RAD23B: variants seen among roughly 807,000 people sequenced by gnomAD.
RAD23B encodes lysine-specific demethylase RAD23B.
A neutral mutation model predicts 49.1 loss-of-function variants in RAD23B; 5 were observed. The ratio of observed to expected loss-of-function variants is 0.10; its 90% CI spans 0.05 to 0.21. The LOEUF is 0.21. Ranked by LOEUF, RAD23B falls within the 10% of genes least tolerant of loss-of-function variation. The pLI, the probability that RAD23B is intolerant of heterozygous loss-of-function variation, is 1.00. For missense variants in RAD23B, 356 were observed against 486.7 expected, an observed-to-expected ratio of 0.73 and a Z score of 2.53; for synonymous variants, 184 against 165.4, an observed-to-expected ratio of 1.11 and a Z score of -0.86.
rs1402185215 is a variant in RAD23B, at chr9:107,330,856, A to G, written c.*1200A>G. ...GTACTTTGGAAAATATACAATCAAGATATCTCATGGCATATTAAAAGAAAA... is the reference window on the plus strand; with the variant it reads ...GTACTTTGGAAAATATACAATCAAGGTATCTCATGGCATATTAAAAGAAAA... On this transcript the variant is annotated 3_prime_UTR_variant, in exon 10 of 10. Coordinates refer to ENST00000358015, the MANE Select transcript of RAD23B (RefSeq NM_002874.5). This position sits in a 1 kb window ranked among gnomAD's most constrained non-coding sequence, Gnocchi z 4.4. 2 of 152,618 alleles carry G rather than the reference A, an allele frequency of 1.3e-5. No individual in the cohort carries two copies. The highest frequency in any genetic ancestry group is 6.5e-5 in the Admixed American group (1 of 15,286). 9.5% of individuals were successfully genotyped at this position (152,618 alleles called of 1,614,324 possible).
chr9:107,331,471 A>G lies in RAD23B; in HGVS notation c.*1815A>G, dbSNP rs1827305486. 1.9e-6 allele frequency: 1 copy of G among 524,240 alleles called. No individual in the cohort carries two copies. The highest frequency in any genetic ancestry group is 1.9e-5 in the African/African-American group (1 of 51,830). 32.5% of individuals were successfully genotyped at this position (524,240 alleles called of 1,614,324 possible). A position where few individuals can be genotyped will look rare whatever the true frequency, so the allele number is the denominator to read the frequency against. On this transcript the variant is annotated 3_prime_UTR_variant, in exon 10 of 10. Coordinates refer to ENST00000358015, the MANE Select transcript of RAD23B (RefSeq NM_002874.5). Reference sequence around the variant, plus strand: ...TGAGCTGAGATCACACCACTGCCATAAACATGACAGGCTTTTGGACTTTGT... The same window carrying G: ...TGAGCTGAGATCACACCACTGCCATGAACATGACAGGCTTTTGGACTTTGT...
chr9:107,308,116 C>CT lies in RAD23B; in HGVS notation c.497+1474dup, dbSNP rs563084673. Among the ~76,000 whole-genome samples, 745 of 149,038 alleles carry CT rather than the reference C, an allele frequency of 5.0e-3. 5 individuals carry two copies. The highest frequency in any genetic ancestry group is 0.011 in the Admixed American group (162 of 15,152). Reference sequence around the variant, plus strand: ...TTATTCTCTTAATTGCTTTAAGCTCCTTTTTAAAAAAAAAAAGCTTACAGT... The same window carrying CT: ...TTATTCTCTTAATTGCTTTAAGCTCCTTTTTTAAAAAAAAAAAGCTTACAGT... On this transcript the variant is annotated intron_variant, in intron 4 of 9. Coordinates refer to ENST00000358015, the MANE Select transcript of RAD23B (RefSeq NM_002874.5).
At position 107,323,864 on chromosome 9, in the gene RAD23B, TTTAG is replaced by T. The variant is rs376609363; in HGVS notation, c.818-25_818-22del. 17,395 of 1,582,230 alleles carry T rather than the reference TTTAG, an allele frequency of 0.011. 1,365 individuals are homozygous for T. The African/African-American group carries it at 0.19, about 17-fold the overall frequency. On this transcript the variant is annotated intron_variant, in intron 7 of 9. Coordinates refer to ENST00000358015, the MANE Select transcript of RAD23B (RefSeq NM_002874.5). ...TTTGTGTATGTATTTACTGCTTTTG[TTTAG>T]AAATGTTTATGTGTATTTTAGGACA...
chr9:107,321,531 A>G (rs920354936), intron 6 of RAD23B, among the ~76,000 whole-genome samples: 4 of 152,218 alleles, frequency 2.6e-5, no homozygotes, highest in Admixed American at 2.0e-4. Flanking sequence ...TTGCAAACTC[A>G]ATCCTTTTTA....
intron 9 of RAD23B, among the ~76,000 whole-genome samples, chr9:107,326,337 C>T (rs975385880): frequency 6.2e-5 from 9 of 145,634 alleles, no homozygotes; most frequent in African/African-American, 2.2e-4. Flanking sequence ...AAAAATTAGC[C>T]AGGCGTGATG....
At chr9:107,299,197 A>C (rs1225596476) in intron 1 of RAD23B, among the ~76,000 whole-genome samples, 1 of 152,224 alleles carries the variant, frequency 6.6e-6, no homozygotes, top group Non-Finnish European at 1.5e-5. Flanking sequence ...TTTTAATTGT[A>C]CAAAAGAAAC....
At chr9:107,299,734 ATTTAACC>A (rs1377406631) in intron 1 of RAD23B, among the ~76,000 whole-genome samples, 1 of 152,226 alleles carries the variant, frequency 6.6e-6, no homozygotes, top group Non-Finnish European at 1.5e-5. Flanking sequence ...AACATTCACA[ATTTAACC>A]TTTAACATTG....
intron 1 of RAD23B, among the ~76,000 whole-genome samples, chr9:107,296,575 TTTC>T (rs1228869799): frequency 9.7e-4 from 147 of 152,316 alleles, no homozygotes; most frequent in African/African-American, 3.4e-3. Flanking sequence ...TCTTTTTTTT[TTTC>T]TTTTTCTTGA....
intron 1 of RAD23B, among the ~76,000 whole-genome samples, chr9:107,292,490 C>G (rs927362987): frequency 1.3e-5 from 2 of 151,972 alleles, no homozygotes; most frequent in Non-Finnish European, 2.9e-5. Flanking sequence ...ACCCTCCTGG[C>G]CAATGTGATG....
chr9:107,289,967 T>TA (rs1196082330), intron 1 of RAD23B, among the ~76,000 whole-genome samples: 1 of 152,168 alleles, frequency 6.6e-6, no homozygotes, highest in Non-Finnish European at 1.5e-5. Context: ...TTAAGGAACT[T>TA]AAGTTCATGA....
chr9:107,317,602 A>G (rs975107800), intron 5 of RAD23B, among the ~76,000 whole-genome samples: 1 of 151,964 alleles, frequency 6.6e-6, no homozygotes, highest in African/African-American at 2.4e-5. Context: ...ATAGTTAACT[A>G]CTGACCCAGG....
chr9:107,319,777 G>T (rs1827073653), intron 6 of RAD23B, among the ~76,000 whole-genome samples: 1 of 152,130 alleles, frequency 6.6e-6, no homozygotes, highest in South Asian at 2.1e-4. Flanking sequence ...GGTAATGGGA[G>T]TTTTTGAGAA....
intron 8 of RAD23B, 30 bp downstream of exon 8, chr9:107,324,047 A>AT (rs1435721803): frequency 6.2e-7 from 1 of 1,606,414 alleles, no homozygotes; most frequent in African/African-American, 1.3e-5. Flanking sequence ...TTCACAAGTG[A>AT]TTTAGAGTGT....
chr9:107,302,473 TA>T, intron 3 of RAD23B, among the ~76,000 whole-genome samples: 1 of 152,244 alleles, frequency 6.6e-6, no homozygotes, highest in East Asian at 1.9e-4. Flanking sequence ...AAGCTTGCCT[TA>T]AATAGACCTG....
At chr9:107,325,240 G>A (rs575663541) in intron 9 of RAD23B, 36 of 303,802 alleles carry the variant, frequency 1.2e-4, no homozygotes, top group Non-Finnish European at 2.1e-4. Flanking sequence ...CTTGGACCTG[G>A]GAGGTGGAGG....
At chr9:107,295,982 T>C (rs11573652) in intron 1 of RAD23B, among the ~76,000 whole-genome samples, 2 of 152,134 alleles carry the variant, frequency 1.3e-5, no homozygotes, top group Admixed American at 1.3e-4. Flanking sequence ...GGACCAAGTC[T>C]TAAGGAGATT....
chr9:107,300,118 A>G (rs1315936327), intron 1 of RAD23B, 23 bp from the exon 2 acceptor site: 2 of 1,587,276 alleles, frequency 1.3e-6, no homozygotes, highest in Non-Finnish European at 1.7e-6. Context: ...TTTTTCCAAA[A>G]CAAATCTTTA....
At chr9:107,296,256 C>A (rs761861611) in intron 1 of RAD23B, among the ~76,000 whole-genome samples, 6 of 152,176 alleles carry the variant, frequency 3.9e-5, no homozygotes, top group Non-Finnish European at 5.9e-5. Flanking sequence ...AATCCCCGTG[C>A]CTTCCCCCAC....
chr9:107,297,966 A>G lies in RAD23B; in HGVS notation c.67-2175A>G, dbSNP rs1054793460. Among the ~76,000 whole-genome samples, 3 of 152,154 alleles carry G rather than the reference A, an allele frequency of 2.0e-5. No individual in the cohort carries two copies. In the East Asian group the frequency reaches 5.8e-4, roughly 29 times the overall value. ...CTATGCTCTGTTCATTTATTCATCC[A>G]GCACAGGATAATGGAGCACCCACTC... On this transcript the variant is annotated intron_variant, in intron 1 of 9. Coordinates refer to ENST00000358015, the MANE Select transcript of RAD23B (RefSeq NM_002874.5).
Sources: allele counts gnomAD v4.1 joint callset (sites outside exome capture counted in the v4.1 genomes callset), GRCh38; gene constraint gnomAD v4.1.1; non-coding constraint Gnocchi (gnomAD v3.1); transcripts MANE v1.5; gene names NCBI Gene and HGNC (gene_info 2026-07-23, HGNC 2026-07-21).